CORIN: variants seen among roughly 807,000 people sequenced by gnomAD.
CORIN encodes the protein atrial natriuretic peptide-converting enzyme.
In CORIN, 117 loss-of-function variants were observed where a neutral mutation model predicts 125.3. The observed-to-expected ratio is 0.93, with a 90% CI of 0.80 to 1.09. The LOEUF (loss-of-function observed/expected upper bound fraction) is 1.09, where lower values mean the gene tolerates loss of function less well. Among genes scored for constraint, CORIN ranks in the 50% least tolerant of loss-of-function variants. CORIN has a pLI of 0.00. For synonymous variants in CORIN, 450 were observed against 466.4 expected, an observed-to-expected ratio of 0.96 and a Z score of 0.45; for missense variants, 1,253 against 1,306.7, an observed-to-expected ratio of 0.96 and a Z score of 0.63.
chr4:47,657,535 CAAAA>C (rs35311151), intron 12 of CORIN, among the ~76,000 whole-genome samples: 3 of 82,174 alleles, frequency 3.7e-5, no homozygotes, highest in Admixed American at 1.2e-4. Flanking sequence ...ACTCCGTCTC[CAAAA>C]AAAAAAAAAA....
rs541580347 is a variant in CORIN, at chr4:47,709,937, TA to T, written c.800-16855del. Among the ~76,000 whole-genome samples the T allele has an allele frequency of 9.8e-5, 15 of 152,358 alleles. No individual in the cohort carries two copies. The East Asian group carries it at 2.9e-3, about 29-fold the overall frequency. ...TGACAACATTTGGGATAAATTTCAA[TA>T]AATTATTTCAAAATACAAATTTTAG... On this transcript the variant is annotated intron_variant, in intron 5 of 21. Coordinates refer to ENST00000273857, the MANE Select transcript of CORIN (RefSeq NM_006587.4).
intron 21 of CORIN, among the ~76,000 whole-genome samples, chr4:47,599,426 A>G (rs1253335653): frequency 7.7e-6 from 1 of 130,594 alleles, no homozygotes; most frequent in Non-Finnish European, 1.7e-5. Context: ...TCATTACTAA[A>G]CTGTAGGGAG....
intron 12 of CORIN, among the ~76,000 whole-genome samples, chr4:47,654,183 T>TA (rs942302710): frequency 3.3e-5 from 5 of 152,170 alleles, no homozygotes; most frequent in African/African-American, 4.8e-5. Context: ...AAGTACAGTT[T>TA]AAAAAACACC....
intron 19 of CORIN, among the ~76,000 whole-genome samples, chr4:47,622,653 G>A (rs896533512): frequency 6.6e-6 from 1 of 152,038 alleles, no homozygotes; most frequent in Non-Finnish European, 1.5e-5. Flanking sequence ...GTCTTCTTTT[G>A]AGAAGTGTCT....
intron 3 of CORIN, among the ~76,000 whole-genome samples, chr4:47,785,214 G>A (rs1168955686): frequency 6.6e-6 from 1 of 152,208 alleles, no homozygotes; most frequent in African/African-American, 2.4e-5. Context: ...AATTCTGGCA[G>A]TGGCTGTACT....
At chr4:47,703,069 T>C (rs565339427) in intron 5 of CORIN, among the ~76,000 whole-genome samples, 171 of 152,296 alleles carry the variant, frequency 1.1e-3, no homozygotes, top group Middle Eastern at 3.4e-3. Flanking sequence ...TTTTTAAAAA[T>C]CCACTGATCT....
Position 47,754,305 on chromosome 4 carries a change from G to T in CORIN, c.617+9074C>A, listed in dbSNP as rs114457192. Among the ~76,000 whole-genome samples the T allele has an allele frequency of 4.2e-3, 639 of 152,190 alleles. 4 individuals carry two copies. The highest frequency in any genetic ancestry group is 0.014 in the African/African-American group (596 of 41,512). On this transcript the variant is annotated intron_variant, in intron 4 of 21. Transcript: ENST00000273857. Reference sequence around the variant, plus strand: ...CCAGTGTTGCCTGATGTTGAAAAGGGAACTTTGCTACAACCAGCTGCCTAA... The same window carrying T: ...CCAGTGTTGCCTGATGTTGAAAAGGTAACTTTGCTACAACCAGCTGCCTAA...
At chr4:47,723,195 G>C (rs950817654) in intron 5 of CORIN, among the ~76,000 whole-genome samples, 2 of 152,118 alleles carry the variant, frequency 1.3e-5, no homozygotes, top group African/African-American at 4.8e-5. Context: ...CCCCAGAGTT[G>C]GCTGCAACAG....
At chr4:47,720,538 A>G (rs887653344) in intron 5 of CORIN, among the ~76,000 whole-genome samples, 3 of 152,228 alleles carry the variant, frequency 2.0e-5, no homozygotes, top group South Asian at 2.1e-4. Flanking sequence ...TATCCATCAC[A>G]AATTATAAGG....
intron 5 of CORIN, among the ~76,000 whole-genome samples, chr4:47,696,999 A>G (rs1333420761): frequency 6.6e-6 from 1 of 152,134 alleles, no homozygotes; most frequent in Non-Finnish European, 1.5e-5. Flanking sequence ...TTTCAACTCC[A>G]CCTCGGAAGA....
At chr4:47,631,413 C>T (rs1428092345) in intron 16 of CORIN, among the ~76,000 whole-genome samples, 1 of 151,938 alleles carries the variant, frequency 6.6e-6, no homozygotes, top group South Asian at 2.1e-4. Context: ...GAGTGTGAAT[C>T]CTATTGTGAA....
intron 1 of CORIN, among the ~76,000 whole-genome samples, chr4:47,833,152 T>A (rs1228184875): frequency 6.7e-6 from 1 of 149,670 alleles, no homozygotes; most frequent in African/African-American, 2.4e-5. Flanking sequence ...TCATACGTCA[T>A]GATTTCAAAA....
intron 2 of CORIN, among the ~76,000 whole-genome samples, chr4:47,792,402 AG>A (rs1268309653): frequency 6.6e-6 from 1 of 152,204 alleles, no homozygotes; most frequent in African/African-American, 2.4e-5. Context: ...AAAAGTTTAG[AG>A]GGTAGTTAGA....
At chr4:47,623,117 T>TATATATATATATATATACAC (rs141525347) in intron 19 of CORIN, among the ~76,000 whole-genome samples, 9 of 134,520 alleles carry the variant, frequency 6.7e-5, no homozygotes, top group African/African-American at 2.8e-4. Context: ...TATATATATA[T>TATATATATATATATATACAC]ACACACACAC....
intron 5 of CORIN, 90 bp downstream of exon 5, chr4:47,744,312 G>T: frequency 8.3e-7 from 1 of 1,207,780 alleles, no homozygotes; most frequent in Non-Finnish European, 1.2e-6. Context: ...AAATTTATCA[G>T]ACTGTACACT....
chr4:47,761,297 A>G (rs571832190), intron 4 of CORIN, among the ~76,000 whole-genome samples: 9 of 151,972 alleles, frequency 5.9e-5, no homozygotes, highest in African/African-American at 2.2e-4. Flanking sequence ...GAGATATGCC[A>G]CTCTTCCCTT....
At chr4:47,806,136 G>A (rs1246134075) in intron 2 of CORIN, among the ~76,000 whole-genome samples, 1 of 152,036 alleles carries the variant, frequency 6.6e-6, no homozygotes, top group Non-Finnish European at 1.5e-5. Context: ...TATTTAGTTT[G>A]AGTGTGTTTT....
intron 16 of CORIN, among the ~76,000 whole-genome samples, chr4:47,631,501 C>A (rs1213101847): frequency 6.6e-6 from 1 of 151,900 alleles, no homozygotes. Flanking sequence ...TCTCCCATCA[C>A]CCTCAGATGG....
intron 19 of CORIN, among the ~76,000 whole-genome samples, chr4:47,619,298 A>G (rs188954174): frequency 6.6e-6 from 1 of 152,322 alleles, no homozygotes; most frequent in East Asian, 1.9e-4. Context: ...CCATAAATAT[A>G]ATTAAAAAAG....
Sources: allele counts gnomAD v4.1 joint callset (sites outside exome capture counted in the v4.1 genomes callset), GRCh38; gene constraint gnomAD v4.1.1; transcripts MANE v1.5; gene names NCBI Gene and HGNC (gene_info 2026-07-23, HGNC 2026-07-21).